Variants in IL27RA observed in about 807,000 individuals in gnomAD.
IL27RA encodes interleukin 27 receptor subunit alpha, also known as interleukin-27 receptor subunit alpha.
Under a neutral mutation model 80.8 loss-of-function variants are expected in IL27RA, and 61 were observed. The ratio of observed to expected loss-of-function variants is 0.76; its 90% CI spans 0.61 to 0.93. IL27RA has a LOEUF of 0.93. Among genes scored for constraint, IL27RA ranks in the 40% least tolerant of loss-of-function variants. The probability of loss-of-function intolerance (pLI) is 0.00; values close to 1 mark genes in which losing one functional copy is unlikely to be tolerated. For synonymous variants in IL27RA, 316 were observed against 332.5 expected, an observed-to-expected ratio of 0.95 and a Z score of 0.54; for missense variants, 735 against 808.1, an observed-to-expected ratio of 0.91 and a Z score of 1.10.
intron 6 of IL27RA, among the ~76,000 whole-genome samples, chr19:14,045,665 A>G (rs1482127251): frequency 6.6e-6 from 1 of 151,574 alleles, no homozygotes; most frequent in African/African-American, 2.4e-5. Flanking sequence ...TTCATTTATT[A>G]CAATACTGCA....
intron 13 of IL27RA, 61 bp downstream of exon 13, chr19:14,052,034 G>C: frequency 6.3e-7 from 1 of 1,576,974 alleles, no homozygotes; most frequent in Non-Finnish European, 8.6e-7. Flanking sequence ...TGGGGCAGTG[G>C]GGAGGGGGTG....
intron 8 of IL27RA, among the ~76,000 whole-genome samples, chr19:14,047,820 A>AT (rs547206577): frequency 0.33 from 46,210 of 140,204 alleles, 8,229 homozygotes; most frequent in African/African-American, 0.49. Context: ...CGCCCGGCTA[A>AT]TTTTTTTTTT....
In IL27RA at chr19:14,031,984, A is replaced by C. The variant is rs1383883462; in HGVS notation, c.100+12A>C. On this transcript the variant is annotated intron_variant, in intron 1 of 13. Coordinates refer to ENST00000263379, the MANE Select transcript of IL27RA (RefSeq NM_004843.4). Reference sequence around the variant, plus strand: ...GACGCGTCCCCAGGGTGAGTGCTGGAGGGAGCTCGTGTCCCGGGCGCTGCC... The same window carrying C: ...GACGCGTCCCCAGGGTGAGTGCTGGCGGGAGCTCGTGTCCCGGGCGCTGCC... The C allele has an allele frequency of 6.2e-7, 1 of 1,600,668 alleles. No individual in the cohort carries two copies. The highest frequency in any genetic ancestry group is 2.3e-5 in the East Asian group (1 of 44,284).
chr19:14,038,546 TAC>T lies in IL27RA; in HGVS notation c.219-960_219-959del, dbSNP rs200268529. ...TGATCTATGATCGCACTGCTCCAGT[TAC>T]AGAGTGAGGTCGTGTCTCTAAAAAA... On this transcript the variant is annotated intron_variant, in intron 2 of 13. Coordinates refer to ENST00000263379, the MANE Select transcript of IL27RA (RefSeq NM_004843.4). 7.1e-3 allele frequency among the ~76,000 whole-genome samples: 1,025 copies of T among 145,188 alleles called. 7 individuals are homozygous for T. The highest frequency in any genetic ancestry group is 0.025 in the African/African-American group (978 of 38,804).
intron 11 of IL27RA, among the ~76,000 whole-genome samples, chr19:14,051,342 C>T (rs1027325067): frequency 2.0e-5 from 3 of 151,972 alleles, no homozygotes; most frequent in East Asian, 3.9e-4. Context: ...GTCAGGAGTT[C>T]GAGACCAGCC....
At chr19:14,032,818 A>G (rs1975841247) in intron 2 of IL27RA, among the ~76,000 whole-genome samples, 1 of 146,072 alleles carries the variant, frequency 6.8e-6, no homozygotes. Context: ...AAAAAAAAAA[A>G]AAAAAAAAGA....
chr19:14,051,735 T>C (rs750338793), intron 12 of IL27RA, 35 bp downstream of exon 12: 17 of 1,524,784 alleles, frequency 1.1e-5, no homozygotes, highest in Non-Finnish European at 1.5e-5. Flanking sequence ...TCTACCCACG[T>C]GGGGAAGGCA....
chr19:14,038,839 G>A (rs542876264), intron 2 of IL27RA, among the ~76,000 whole-genome samples: 1 of 147,836 alleles, frequency 6.8e-6, no homozygotes, highest in South Asian at 2.2e-4. Flanking sequence ...AGCCAAGATC[G>A]CACCATTGCA....
chr19:14,031,936 C>T lies in IL27RA; in HGVS notation c.64C>T (p.Leu22=). 3 of 1,611,066 alleles carry T rather than the reference C, an allele frequency of 1.9e-6. No homozygotes were observed. Among genetic ancestry groups the T allele is most frequent in the South Asian group, 1.1e-5 (1 of 90,624 alleles). The change falls in exon 1 of 14, where the codon CTG becomes TTG. Residue 22 remains leucine, a synonymous_variant. Coordinates refer to ENST00000263379, the MANE Select transcript of IL27RA (RefSeq NM_004843.4). The stretch of plus-strand genomic sequence containing the variant: ...GCTGCCCAAGCTGGCGCTGCTGCCT[C>T]TGTTGTGGGTGCTTTTCCAGCGGAC... ...WPLPKLALLP[L]LWVLFQRTRP...
chr19:14,048,351 C>G lies in IL27RA; in HGVS notation c.1142-630C>G, dbSNP rs1976102409. On this transcript the variant is annotated intron_variant, in intron 8 of 13. Coordinates refer to ENST00000263379, the MANE Select transcript of IL27RA (RefSeq NM_004843.4). ...GATGTTGGGTAAGAAATTTAGGACA[C>G]AGTCCCAAGACCCACAAGGATATAT... 2.0e-5 allele frequency among the ~76,000 whole-genome samples: 3 copies of G among 152,274 alleles called. No individual in the cohort carries two copies. In the South Asian group the frequency reaches 6.2e-4, roughly 32 times the overall value.
At chr19:14,038,734 A>C (rs1975942292) in intron 2 of IL27RA, among the ~76,000 whole-genome samples, 1 of 151,762 alleles carries the variant, frequency 6.6e-6, no homozygotes, top group Non-Finnish European at 1.5e-5. Flanking sequence ...AAAGTACAAA[A>C]CTAGCCGGGA....
intron 8 of IL27RA, among the ~76,000 whole-genome samples, chr19:14,048,770 G>A (rs1165355406): frequency 1.3e-5 from 2 of 152,134 alleles, no homozygotes; most frequent in African/African-American, 4.8e-5. Context: ...ATGGGACTGC[G>A]TCTCAGTTGT....
Position 14,034,385 on chromosome 19 carries a change from C to T in IL27RA, c.218+1882C>T, listed in dbSNP as rs565541505. 5.3e-5 allele frequency among the ~76,000 whole-genome samples: 8 copies of T among 152,208 alleles called. No homozygotes were observed. In the South Asian group the frequency reaches 1.5e-3, roughly 28 times the overall value. On this transcript the variant is annotated intron_variant, in intron 2 of 13. Coordinates refer to ENST00000263379, the MANE Select transcript of IL27RA (RefSeq NM_004843.4). ...GTTAAAATACACACAACAGGCCCTA[C>T]ACGGTGGCTCACGCCTGTAATCCCA...
rs1314872666 is a variant in IL27RA at position 14,039,497 on chromosome 19, T to C, written c.219-11T>C. 1 of 1,606,600 alleles carries C rather than the reference T, an allele frequency of 6.2e-7. No individual in the cohort carries two copies. On this transcript the variant is annotated splice_polypyrimidine_tract_variant and intron_variant, in intron 2 of 13. Coordinates refer to ENST00000263379, the MANE Select transcript of IL27RA (RefSeq NM_004843.4). ...CGAGTGTGCATCTCATCCCCGCCTC[T>C]CTCCTCACAGCCGTTCCAACAAAAC...
intron 2 of IL27RA, among the ~76,000 whole-genome samples, chr19:14,032,854 A>G (rs1975842726): frequency 1.3e-5 from 2 of 148,810 alleles, no homozygotes; most frequent in Non-Finnish European, 3.0e-5. Flanking sequence ...AAGTCCCAGG[A>G]GTCTGCCCCC....
chr19:14,034,715 A>T (rs944211219), intron 2 of IL27RA, among the ~76,000 whole-genome samples: 2 of 149,388 alleles, frequency 1.3e-5, no homozygotes, highest in African/African-American at 5.0e-5. Flanking sequence ...GCACTTTGGG[A>T]GGCCGAGGCG....
At chr19:14,036,577 C>T (rs1454239836) in intron 2 of IL27RA, among the ~76,000 whole-genome samples, 1 of 151,296 alleles carries the variant, frequency 6.6e-6, no homozygotes, top group East Asian at 1.9e-4. Flanking sequence ...CAACCTCTGC[C>T]TCCCCGGTCC....
At chr19:14,044,986 G>A (rs748083007) in intron 6 of IL27RA, among the ~76,000 whole-genome samples, 28 of 151,468 alleles carry the variant, frequency 1.8e-4, no homozygotes, top group Non-Finnish European at 3.7e-4. Flanking sequence ...TTAGCCGGGC[G>A]TGGTGGCAGG....
rs1252562514 is a variant in IL27RA, at chr19:14,050,850, C to T, written c.1495C>T (p.Pro499Ser). 4 of 1,612,102 alleles carry T rather than the reference C, an allele frequency of 2.5e-6. No homozygotes were observed. The highest frequency in any genetic ancestry group is 3.4e-6 in the Non-Finnish European group (4 of 1,178,602). The change falls in exon 11 of 14, where the codon CCT (proline) becomes TCT (serine). Residue 499 changes from proline (P) to serine (S), a missense_variant. By Grantham distance (74) the Pro-to-Ser change is moderately conservative. Transcript: ENST00000263379. Reference protein sequence around the residue: ...VTASTIAGQGPPGPILRLHLP... With the variant: ...VTASTIAGQGSPGPILRLHLP... Reference sequence around the variant, plus strand: ...AGCATCTACCATCGCTGGACAGGGCCCTCCTGGTCCCATCCTCCGGCTTCA... The same window carrying T: ...AGCATCTACCATCGCTGGACAGGGCTCTCCTGGTCCCATCCTCCGGCTTCA...
Sources: allele counts gnomAD v4.1 joint callset (sites outside exome capture counted in the v4.1 genomes callset), GRCh38; gene constraint gnomAD v4.1.1; transcripts MANE v1.5; gene names NCBI Gene and HGNC (gene_info 2026-07-23, HGNC 2026-07-21).